RPGRIP1L: variants seen among roughly 807,000 people sequenced by gnomAD.
RPGRIP1L encodes protein fantom.
In RPGRIP1L, 131 loss-of-function variants were observed where a neutral mutation model predicts 160.4. That is an observed-to-expected ratio of 0.82 (90% CI 0.71 to 0.94). The LOEUF is 0.94. Ranked by LOEUF, RPGRIP1L falls within the 40% of genes least tolerant of loss-of-function variation. The pLI is 0.00. For synonymous variants in RPGRIP1L, 510 were observed against 515.8 expected (o/e 0.99, Z 0.15); for missense variants, 1,522 against 1,535.8 (o/e 0.99, Z 0.15).
intron 24 of RPGRIP1L, among the ~76,000 whole-genome samples, chr16:53,618,171 GAC>G (rs998442744): frequency 9.2e-5 from 14 of 152,298 alleles, no homozygotes; most frequent in African/African-American, 3.1e-4. Flanking sequence ...CAAGCCCTAA[GAC>G]AGAAAACCTG....
At chr16:53,662,219 G>A (rs1437890889) in intron 10 of RPGRIP1L, among the ~76,000 whole-genome samples, 17 of 152,068 alleles carry the variant, frequency 1.1e-4, no homozygotes, top group East Asian at 1.9e-4. Flanking sequence ...TTTTCAGAGC[G>A]CCTTTGTGCT....
intron 3 of RPGRIP1L, chr16:53,694,673 G>C (rs1210368872): frequency 6.6e-6 from 1 of 151,830 alleles, no homozygotes; most frequent in African/African-American, 2.4e-5. Flanking sequence ...ACCATGCCCA[G>C]CTAATTTTTT....
intron 22 of RPGRIP1L, among the ~76,000 whole-genome samples, chr16:53,631,856 G>A (rs560531775): frequency 8.6e-4 from 131 of 152,252 alleles, no homozygotes; most frequent in African/African-American, 3.0e-3. Context: ...TTGATGTCCG[G>A]GAAACGAAGA....
chr16:53,653,419 G>A lies in RPGRIP1L; in HGVS notation c.1700-432C>T, dbSNP rs548409915. The A allele has an allele frequency of 1.1e-4, 93 of 839,282 alleles. 1 individual carries two copies. In the South Asian group the frequency reaches 3.8e-3, roughly 34 times the overall value. The allele number at this position is 839,282 out of a possible 1,614,324, so 52.0% of individuals were successfully genotyped here. A position where few individuals can be genotyped will look rare whatever the true frequency, so the allele number is the denominator to read the frequency against. On this transcript the variant is annotated intron_variant, in intron 14 of 26. Coordinates refer to ENST00000647211, the MANE Select transcript of RPGRIP1L (RefSeq NM_015272.5). Reference sequence around the variant, plus strand: ...TACTTTTCTTCTTCGTGGGGTGATGGATAAGTTTATTATCCTGATCATGAT... The same window carrying A: ...TACTTTTCTTCTTCGTGGGGTGATGAATAAGTTTATTATCCTGATCATGAT...
At chr16:53,691,936 TA>T in intron 4 of RPGRIP1L, 129 bp downstream of exon 4, 1 of 849,704 alleles carries the variant, frequency 1.2e-6, no homozygotes, top group Non-Finnish European at 1.9e-6. Flanking sequence ...TTTATCAAAG[TA>T]AAAAATTATT....
intron 2 of RPGRIP1L, among the ~76,000 whole-genome samples, chr16:53,698,145 G>C (rs1360746517): frequency 6.6e-6 from 1 of 151,838 alleles, no homozygotes; most frequent in Non-Finnish European, 1.5e-5. Flanking sequence ...CGTCTGAGAA[G>C]TGAGGAGCCC....
intron 3 of RPGRIP1L, chr16:53,694,017 T>C (rs2151365673): frequency 6.6e-6 from 1 of 152,320 alleles, no homozygotes; most frequent in Admixed American, 6.5e-5. Flanking sequence ...AAATAAACTT[T>C]GTCAAGAAAC....
chr16:53,640,627 A>G (rs1328832631), intron 19 of RPGRIP1L, among the ~76,000 whole-genome samples: 1 of 152,180 alleles, frequency 6.6e-6, no homozygotes, highest in Non-Finnish European at 1.5e-5. Flanking sequence ...GGAGATGAAG[A>G]CAGGCACTGA....
chr16:53,620,499 CAG>C (rs1365206070), intron 23 of RPGRIP1L, among the ~76,000 whole-genome samples: 2 of 152,102 alleles, frequency 1.3e-5, no homozygotes, highest in African/African-American at 2.4e-5. Context: ...TCCACTAATA[CAG>C]GTACAAGGCT....
chr16:53,695,765 A>C (rs1970707893), intron 3 of RPGRIP1L: 1 of 350,292 alleles, frequency 2.9e-6, no homozygotes, highest in African/African-American at 2.1e-5. Context: ...ATCTTAAGGG[A>C]ATGTGCATTC....
In RPGRIP1L at chr16:53,641,782, T is replaced by C. The variant is rs371738719; in HGVS notation, c.2684-307A>G. On this transcript the variant is annotated intron_variant, in intron 17 of 26. Coordinates refer to ENST00000647211, the MANE Select transcript of RPGRIP1L (RefSeq NM_015272.5). ...ACAATTAATTTATAAATAACTTAAT[T>C]CACTGAAATTAAATTCAGACATTAT... 2.2e-4 allele frequency among the ~76,000 whole-genome samples: 33 copies of C among 152,316 alleles called. No homozygotes were observed. The South Asian group carries it at 6.6e-3, about 31-fold the overall frequency.
At chr16:53,695,009 A>G in intron 3 of RPGRIP1L, 1 of 269,722 alleles carries the variant, frequency 3.7e-6, no homozygotes, top group Non-Finnish European at 6.9e-6. Context: ...TGGCAGAGAG[A>G]TAACAGAATG....
rs886052098 is a variant in RPGRIP1L at position 53,692,302 on chromosome 16, C to A, written c.293G>T (p.Gly98Val). Reference sequence around the variant, plus strand: ...CACATCTCGTCCCAGCCGCTTGGGGCCGCCACCAACCCGCTCATATCTTTT... The same window carrying A: ...CACATCTCGTCCCAGCCGCTTGGGGACGCCACCAACCCGCTCATATCTTTT... ...DKKRYERVGG[G>V]PKRLGRDVEM... Residue 98 changes from glycine to valine, a missense_variant, in exon 4 of 27, where the codon GGC (glycine) becomes GTC (valine). Gly to Val is a moderately radical substitution (Grantham distance 109). Coordinates refer to ENST00000647211, the MANE Select transcript of RPGRIP1L (RefSeq NM_015272.5). 20 of 1,614,076 alleles carry A rather than the reference C, an allele frequency of 1.2e-5. No individual in the cohort carries two copies. Among genetic ancestry groups the A allele is most frequent in the Non-Finnish European group, 1.7e-5 (20 of 1,179,978 alleles).
At chr16:53,656,437 A>G in intron 14 of RPGRIP1L, 35 bp downstream of exon 14, 1 of 1,273,634 alleles carries the variant, frequency 7.9e-7, no homozygotes, top group Non-Finnish European at 1.2e-6. Flanking sequence ...CCATTCCTCT[A>G]GTTACTGTGG....
chr16:53,698,184 A>G (rs1970977413), intron 2 of RPGRIP1L, among the ~76,000 whole-genome samples: 1 of 148,394 alleles, frequency 6.7e-6, no homozygotes, highest in Non-Finnish European at 1.5e-5. Flanking sequence ...CCGTCTGAGA[A>G]GTGAGGAGCC....
At chr16:53,620,317 T>C (rs1964626809) in intron 23 of RPGRIP1L, among the ~76,000 whole-genome samples, 1 of 152,158 alleles carries the variant, frequency 6.6e-6, no homozygotes, top group African/African-American at 2.4e-5. Flanking sequence ...CTCTCAATAT[T>C]TGATGAAGTA....
chr16:53,636,120 ATCT>A (rs1965818253), intron 22 of RPGRIP1L, among the ~76,000 whole-genome samples: 3 of 152,212 alleles, frequency 2.0e-5, no homozygotes, highest in East Asian at 1.9e-4. Context: ...TAAAGTTCAA[ATCT>A]TCTTCAACAC....
chr16:53,649,165 TA>T (rs772419423), intron 15 of RPGRIP1L, 50 bp from the exon 16 acceptor site: 47 of 1,496,982 alleles, frequency 3.1e-5, no homozygotes, highest in Admixed American at 5.0e-5. Flanking sequence ...TACATTAAAA[TA>T]GATAGCAGTA....
At chr16:53,621,416 CTT>C (rs1426622949) in intron 23 of RPGRIP1L, among the ~76,000 whole-genome samples, 1 of 149,384 alleles carries the variant, frequency 6.7e-6, no homozygotes, top group Non-Finnish European at 1.5e-5. Flanking sequence ...TGATGTCTAT[CTT>C]ATTTCTGGTC....
Sources: allele counts gnomAD v4.1 joint callset (sites outside exome capture counted in the v4.1 genomes callset), GRCh38; gene constraint gnomAD v4.1.1; transcripts MANE v1.5; gene names NCBI Gene and HGNC (gene_info 2026-07-23, HGNC 2026-07-21).